FHAD1: variants seen among roughly 807,000 people sequenced by gnomAD.
The protein encoded by FHAD1 is forkhead-associated domain-containing protein 1.
A neutral mutation model predicts 191.3 loss-of-function variants in FHAD1; 146 were observed. The observed-to-expected ratio is 0.76, with a 90% CI of 0.67 to 0.88. FHAD1 has a LOEUF of 0.88. Ranked by LOEUF, FHAD1 falls within the 40% of genes least tolerant of loss-of-function variation. FHAD1 has a pLI of 0.00. For synonymous variants in FHAD1, 616 were observed against 672.3 expected (o/e 0.92, Z 1.29); for missense variants, 1,635 against 1,785.8 (o/e 0.92, Z 1.52).
rs1041099553 is a variant in FHAD1, at chr1:15,325,049, C to T, written c.1473+490C>T. On this transcript the variant is annotated intron_variant, in intron 11 of 33. Coordinates refer to ENST00000688493, the MANE Select transcript of FHAD1 (RefSeq NM_001391957.1). This position sits in a 1 kb window ranked among gnomAD's most constrained non-coding sequence, Gnocchi z 4.6. The stretch of plus-strand genomic sequence containing the variant: ...GCTCCCGGCTGTGGGTGAGCCACTC[C>T]GACCTGGTCTGGAGGTGCTGTTTCT... 108 of 160,280 alleles carry T rather than the reference C, an allele frequency of 6.7e-4. No homozygotes were observed. The highest frequency in any genetic ancestry group is 2.4e-3 in the African/African-American group (99 of 41,850). The allele number at this position is 160,280 out of a possible 1,614,324, so 9.9% of individuals were successfully genotyped here. A position where few individuals can be genotyped will look rare whatever the true frequency, so the allele number is the denominator to read the frequency against.
chr1:15,384,983 A>G (rs1701771723), intron 31 of FHAD1, among the ~76,000 whole-genome samples: 1 of 151,236 alleles, frequency 6.6e-6, no homozygotes, highest in African/African-American at 2.4e-5. Flanking sequence ...CCATCCACTC[A>G]TCCCCCCTAT....
At chr1:15,343,076 G>A (rs779877224) in intron 16 of FHAD1, among the ~76,000 whole-genome samples, 17 of 152,162 alleles carry the variant, frequency 1.1e-4, no homozygotes, top group Non-Finnish European at 2.1e-4. Context: ...GGGATTACAG[G>A]TATGAGCCAC....
chr1:15,327,758 G>C lies in FHAD1; in HGVS notation c.1558-519G>C, dbSNP rs1300295096. 1 of 152,458 alleles carries C rather than the reference G, an allele frequency of 6.6e-6. No individual in the cohort carries two copies. The highest frequency in any genetic ancestry group is 2.4e-5 in the African/African-American group (1 of 41,430). 9.4% of individuals were successfully genotyped at this position (152,458 alleles called of 1,614,324 possible). On this transcript the variant is annotated intron_variant, in intron 12 of 33. Coordinates refer to ENST00000688493, the MANE Select transcript of FHAD1 (RefSeq NM_001391957.1). This position sits in a 1 kb window ranked among gnomAD's most constrained non-coding sequence, Gnocchi z 5.1. ...ATAAAAATAATCTCTGATCGGCAAG[G>C]AGTGGTGGCTCATGCCTGTAATGCC...
At chr1:15,322,350 A>T (rs886465942) in intron 10 of FHAD1, among the ~76,000 whole-genome samples, 2 of 152,222 alleles carry the variant, frequency 1.3e-5, no homozygotes, top group Non-Finnish European at 2.9e-5. Context: ...TCATCCTCAC[A>T]ACTCTGACCT....
chr1:15,394,419 G>T (rs1036666368), intron 33 of FHAD1, among the ~76,000 whole-genome samples: 8 of 152,276 alleles, frequency 5.3e-5, no homozygotes, highest in Non-Finnish European at 7.3e-5. Flanking sequence ...GGTTGTTTAG[G>T]GGGGAAGGCT....
At chr1:15,302,669 A>G (rs1276726299) in intron 6 of FHAD1, among the ~76,000 whole-genome samples, 1 of 145,714 alleles carries the variant, frequency 6.9e-6, no homozygotes, top group African/African-American at 2.8e-5. Flanking sequence ...CAGTGAGCCA[A>G]GATAGCACCA....
At position 15,367,681 on chromosome 1, in the gene FHAD1, G is replaced by C. The variant is rs543103665; in HGVS notation, c.3314+59G>C. ...TTTGCCTGCCGTGGGGAGCCGCTGAGTATTGCAGAGAGAGGGCTCAGTACA... is the reference window on the plus strand; with the variant it reads ...TTTGCCTGCCGTGGGGAGCCGCTGACTATTGCAGAGAGAGGGCTCAGTACA... On this transcript the variant is annotated intron_variant, in intron 25 of 33. Transcript: ENST00000688493. The C allele has an allele frequency of 2.8e-4, 394 of 1,403,358 alleles. 1 individual carries two copies. Among genetic ancestry groups the C allele is most frequent in the Middle Eastern group, 2.5e-4 (1 of 4,038 alleles). 86.9% of individuals were successfully genotyped at this position (1,403,358 alleles called of 1,614,324 possible). A position where few individuals can be genotyped will look rare whatever the true frequency, so the allele number is the denominator to read the frequency against.
In FHAD1 at chr1:15,367,675, C is replaced by A. The variant is rs149772121; in HGVS notation, c.3314+53C>A. On this transcript the variant is annotated intron_variant, in intron 25 of 33. Coordinates refer to ENST00000688493, the MANE Select transcript of FHAD1 (RefSeq NM_001391957.1). ...GGATGGTTTGCCTGCCGTGGGGAGCCGCTGAGTATTGCAGAGAGAGGGCTC... is the reference window on the plus strand; with the variant it reads ...GGATGGTTTGCCTGCCGTGGGGAGCAGCTGAGTATTGCAGAGAGAGGGCTC... 1.7e-3 allele frequency: 2,532 copies of A among 1,454,518 alleles called. 9 individuals are homozygous for A. Among genetic ancestry groups the A allele is most frequent in the Admixed American group, 3.4e-3 (171 of 49,776 alleles). 90.1% of individuals were successfully genotyped at this position (1,454,518 alleles called of 1,614,324 possible).
intron 20 of FHAD1, among the ~76,000 whole-genome samples, chr1:15,355,619 A>T (rs1008784934): frequency 6.6e-6 from 1 of 152,162 alleles, no homozygotes; most frequent in Non-Finnish European, 1.5e-5. Context: ...GTTGTGAATT[A>T]TTTGGGACCC....
intron 9 of FHAD1, among the ~76,000 whole-genome samples, chr1:15,317,258 C>A (rs932638961): frequency 2.4e-4 from 36 of 152,240 alleles, no homozygotes; most frequent in African/African-American, 8.2e-4. Flanking sequence ...GAAAATAAGA[C>A]CATTAAAAGT....
chr1:15,328,581 G>A, intron 13 of FHAD1, 152 bp downstream of exon 13: 1 of 683,474 alleles, frequency 1.5e-6, no homozygotes, highest in South Asian at 4.0e-5. Context: ...ACTTGTTGGA[G>A]AAGAAAAAAC....
At chr1:15,236,913 G>C (rs1644843289) in intron 1 of FHAD1, among the ~76,000 whole-genome samples, 1 of 152,172 alleles carries the variant, frequency 6.6e-6, no homozygotes, top group Non-Finnish European at 1.5e-5. Context: ...ATTGAGTCAT[G>C]AGGGCGGTTA....
intron 32 of FHAD1, among the ~76,000 whole-genome samples, chr1:15,389,275 G>T (rs565455961): frequency 1.3e-5 from 2 of 151,692 alleles, no homozygotes; most frequent in African/African-American, 2.4e-5. Flanking sequence ...GCAAAACCCT[G>T]GCTCTACAAA....
intron 20 of FHAD1, 61 bp from the exon 21 acceptor site, chr1:15,358,047 AGG>A: frequency 8.3e-7 from 1 of 1,199,236 alleles, no homozygotes; most frequent in Non-Finnish European, 1.1e-6. Flanking sequence ...GTGGGGGATA[AGG>A]GGGCTGGGTA....
rs1438933786 is a variant in FHAD1 at position 15,264,655 on chromosome 1, G to A, written c.94-7668G>A. ...ATTTTATTTCTGGGATATATTGAATGCCTTTCACTTCTTTTTCTTGTCTAA... is the reference window on the plus strand; with the variant it reads ...ATTTTATTTCTGGGATATATTGAATACCTTTCACTTCTTTTTCTTGTCTAA... On this transcript the variant is annotated intron_variant, in intron 2 of 33. Transcript: ENST00000688493. Among the ~76,000 whole-genome samples, 3 of 151,828 alleles carry A rather than the reference G, an allele frequency of 2.0e-5. No homozygotes were observed. The East Asian group carries it at 5.8e-4, about 29-fold the overall frequency.
At chr1:15,260,441 G>A (rs1650491868) in intron 2 of FHAD1, among the ~76,000 whole-genome samples, 1 of 152,218 alleles carries the variant, frequency 6.6e-6, no homozygotes, top group African/African-American at 2.4e-5. Context: ...TCAGAAGTCT[G>A]AGTGGACTCA....
rs1306502719 is a variant in FHAD1 at position 15,276,509 on chromosome 1, A to G, written c.300+3980A>G. The stretch of plus-strand genomic sequence containing the variant: ...TATATCATAGCTTTTTTGCCAAAGT[A>G]TAGCCTAGGGGCCGGGCGTGGTGAC... On this transcript the variant is annotated intron_variant, in intron 3 of 33. Transcript: ENST00000688493. This position sits in a 1 kb window ranked among gnomAD's most constrained non-coding sequence, Gnocchi z 4.7. Among the ~76,000 whole-genome samples, 1 of 152,240 alleles carries G rather than the reference A, an allele frequency of 6.6e-6. No individual in the cohort carries two copies. Among genetic ancestry groups the G allele is most frequent in the Non-Finnish European group, 1.5e-5 (1 of 68,038 alleles).
intron 2 of FHAD1, 148 bp from the exon 3 acceptor site, chr1:15,272,175 C>T (rs754069162): frequency 4.5e-5 from 33 of 730,946 alleles, no homozygotes; most frequent in Non-Finnish European, 7.0e-5. Context: ...GTCGCTTAAC[C>T]TCTCTGATCC....
chr1:15,383,937 C>A, intron 31 of FHAD1: 1 of 404,766 alleles, frequency 2.5e-6, no homozygotes. Context: ...GGCCGTGAGT[C>A]CCCTCCTTGT....
Sources: allele counts gnomAD v4.1 joint callset (sites outside exome capture counted in the v4.1 genomes callset), GRCh38; gene constraint gnomAD v4.1.1; non-coding constraint Gnocchi (gnomAD v3.1); transcripts MANE v1.5; gene names NCBI Gene and HGNC (gene_info 2026-07-23, HGNC 2026-07-21).